HK1: variants seen among roughly 807,000 people sequenced by gnomAD.
HK1 encodes hexokinase 1, also known as hexokinase-1.
Under a neutral mutation model 91.6 loss-of-function variants are expected in HK1, and 28 were observed. The ratio of observed to expected loss-of-function variants is 0.31; its 90% CI spans 0.23 to 0.42. The LOEUF (loss-of-function observed/expected upper bound fraction) is 0.42. Among genes scored for constraint, HK1 ranks in the 10% least tolerant of loss-of-function variants. The pLI, the probability that HK1 is intolerant of heterozygous loss-of-function variation, is 1.00. For missense variants in HK1, 770 were observed against 1,219.8 expected, an observed-to-expected ratio of 0.63 and a Z score of 5.49; for synonymous variants, 430 against 468.1, an observed-to-expected ratio of 0.92 and a Z score of 1.05.
chr10:69,312,963 T>C (rs936037111), upstream of HK1, among the ~76,000 whole-genome samples: 1 of 152,054 alleles, frequency 6.6e-6, no homozygotes, highest in Non-Finnish European at 1.5e-5. Flanking sequence ...AGGTGGGAAA[T>C]GTGTCCTGAA....
rs1261066769 is a variant in HK1 at position 69,401,339 on chromosome 10, C to T, written c.*204C>T. On this transcript the variant is annotated 3_prime_UTR_variant, in exon 18 of 18. Transcript: ENST00000359426. Reference sequence around the variant, plus strand: ...GATAATATCTCTCACCCGGATCCCTCCTCACTTGCCCTGCCACTTTGCATG... The same window carrying T: ...GATAATATCTCTCACCCGGATCCCTTCTCACTTGCCCTGCCACTTTGCATG... 6.4e-6 allele frequency: 4 copies of T among 629,322 alleles called. No individual in the cohort carries two copies. The South Asian group carries it at 7.7e-5, about 12-fold the overall frequency. The allele number at this position is 629,322 out of a possible 1,614,324, so 39.0% of individuals were successfully genotyped here.
intron 8 of HK1, among the ~76,000 whole-genome samples, chr10:69,378,348 A>T: frequency 6.6e-6 from 1 of 152,070 alleles, no homozygotes; most frequent in East Asian, 1.9e-4. Context: ...ACAAGAGCAG[A>T]TGTTAGAGGC....
chr10:69,326,069 C>CAA (rs1847353663), intron 1 of HK1, among the ~76,000 whole-genome samples: 2 of 150,220 alleles, frequency 1.3e-5, no homozygotes, highest in South Asian at 2.1e-4. Context: ...TTCCTGACCT[C>CAA]GTGATTCACC....
chr10:69,327,721 A>G (rs184344551), intron 1 of HK1, among the ~76,000 whole-genome samples: 1 of 152,236 alleles, frequency 6.6e-6, no homozygotes, highest in Non-Finnish European at 1.5e-5. Context: ...TTCCACACCA[A>G]CCCTTGTTAT....
chr10:69,325,645 TG>T (rs1268856470), intron 1 of HK1, among the ~76,000 whole-genome samples: 1 of 151,132 alleles, frequency 6.6e-6, no homozygotes, highest in Non-Finnish European at 1.5e-5. Context: ...TCTGCCTCAG[TG>T]CCCCCCCCTG....
At chr10:69,348,393 G>A (rs11596193) in intron 2 of HK1, among the ~76,000 whole-genome samples, 15,725 of 152,266 alleles carry the variant, frequency 0.1, 1,347 homozygotes, top group African/African-American at 0.23. Context: ...TTATATGGAA[G>A]GATAGTTGGG....
At chr10:69,368,690 T>A (rs767022508) in intron 5 of HK1, 59 bp downstream of exon 5, 21 of 1,351,838 alleles carry the variant, frequency 1.6e-5, no homozygotes, top group African/African-American at 5.7e-5. Flanking sequence ...CAGGGCTGCA[T>A]TCTAAAACAG....
chr10:69,355,348 C>T (rs1354132345), intron 2 of HK1, among the ~76,000 whole-genome samples: 2 of 152,072 alleles, frequency 1.3e-5, no homozygotes, highest in African/African-American at 4.8e-5. Context: ...CCCAGAATAA[C>T]CAAAGCAATC....
chr10:69,335,206 T>C (rs1292130058), intron 1 of HK1, among the ~76,000 whole-genome samples: 2 of 151,970 alleles, frequency 1.3e-5, no homozygotes, highest in South Asian at 4.1e-4. Context: ...GCAGAAGCCA[T>C]GTGCAGTCAG....
intron 3 of HK1, among the ~76,000 whole-genome samples, chr10:69,361,652 C>T (rs1056213126): frequency 1.3e-5 from 2 of 152,156 alleles, no homozygotes; most frequent in African/African-American, 4.8e-5. Context: ...CTTACCACTG[C>T]CCTCTTCGTC....
At chr10:69,306,095 G>C (rs551185456) in intron 5 of HK1, among the ~76,000 whole-genome samples, 1 of 151,714 alleles carries the variant, frequency 6.6e-6, no homozygotes, top group Non-Finnish European at 1.5e-5. Context: ...GGTGGCTCAC[G>C]CCTGTAATCC....
chr10:69,391,520 G>A (rs1839895361), intron 14 of HK1, among the ~76,000 whole-genome samples: 1 of 152,204 alleles, frequency 6.6e-6, no homozygotes. Flanking sequence ...GGTGGTGCCT[G>A]TAGTCCAGCC....
At chr10:69,281,617 A>G (rs1309800714) in intron 1 of HK1, among the ~76,000 whole-genome samples, 1 of 152,154 alleles carries the variant, frequency 6.6e-6, no homozygotes, top group Non-Finnish European at 1.5e-5. Flanking sequence ...CATGATTCAC[A>G]ATTTGCAACT....
chr10:69,271,719 C>T (rs1355639999), intron 1 of HK1, among the ~76,000 whole-genome samples: 1 of 152,064 alleles, frequency 6.6e-6, no homozygotes, highest in African/African-American at 2.4e-5. Context: ...TCTCGTGATC[C>T]ACCCTCCTTG....
chr10:69,388,070 G>GA (rs567603222), intron 13 of HK1, among the ~76,000 whole-genome samples: 1 of 151,082 alleles, frequency 6.6e-6, no homozygotes, highest in Non-Finnish European at 1.5e-5. Context: ...CAGTTAAATA[G>GA]AAAAAAAACA....
intron 5 of HK1, among the ~76,000 whole-genome samples, chr10:69,307,929 C>T (rs1034245256): frequency 6.6e-6 from 1 of 151,998 alleles, no homozygotes; most frequent in African/African-American, 2.4e-5. Flanking sequence ...ACCTCTGCCT[C>T]CCCGGTTCAA....
At position 69,380,240 on chromosome 10, in the gene HK1, T is replaced by C. The variant is rs1839321985; in HGVS notation, c.1265+145T>C. 3 of 734,462 alleles carry C rather than the reference T, an allele frequency of 4.1e-6. No homozygotes were observed. In the South Asian group the frequency reaches 4.4e-5, roughly 11 times the overall value. 45.5% of individuals were successfully genotyped at this position (734,462 alleles called of 1,614,324 possible). ...GGGCTGTGGCTCATGCCTGTAATCT[T>C]AGCACTTTGAGAGGCCGAGGCAGGA... is the stretch of plus-strand genomic sequence containing the variant. On this transcript the variant is annotated intron_variant, in intron 9 of 17. Transcript: ENST00000359426. The surrounding 1 kb of genome is among the most constrained non-coding windows in gnomAD (Gnocchi z 4.0).
At chr10:69,276,118 A>ATATATAT (rs1426672139) in intron 1 of HK1, among the ~76,000 whole-genome samples, 38 of 38,264 alleles carry the variant, frequency 9.9e-4, no homozygotes, top group South Asian at 3.1e-3. Context: ...AAAAAAAAAA[A>ATATATAT]ATACATATAT....
intron 1 of HK1, among the ~76,000 whole-genome samples, chr10:69,279,672 C>T (rs1443572443): frequency 6.6e-6 from 1 of 152,066 alleles, no homozygotes; most frequent in East Asian, 1.9e-4. Flanking sequence ...AATATGTAGT[C>T]CAAAAATTTC....
Sources: gnomAD v4.1 joint callset for allele counts (sites outside exome capture counted in the v4.1 genomes callset) on GRCh38, gnomAD v4.1.1 for gene constraint, Gnocchi (gnomAD v3.1) non-coding constraint, MANE v1.5 for transcripts, NCBI Gene and HGNC (gene_info 2026-07-23, HGNC 2026-07-21) for gene names.